KIAA1671: variants seen among roughly 807,000 people sequenced by gnomAD.
KIAA1671 encodes uncharacterized protein KIAA1671.
Under a neutral mutation model 131.2 loss-of-function variants are expected in KIAA1671, and 52 were observed. The observed-to-expected ratio is 0.40, with a 90% CI of 0.32 to 0.50. The LOEUF (loss-of-function observed/expected upper bound fraction) is 0.50. Ranked by LOEUF, KIAA1671 falls within the 20% of genes least tolerant of loss-of-function variation. The pLI, the probability that KIAA1671 is intolerant of heterozygous loss-of-function variation, is 0.73. For synonymous variants in KIAA1671, 1,003 were observed against 961.6 expected, an observed-to-expected ratio of 1.04 and a Z score of -0.80; for missense variants, 2,360 against 2,364.2, an observed-to-expected ratio of 1.00 and a Z score of 0.04.
chr22:25,122,123 G>A (rs1931974312), intron 6 of KIAA1671, among the ~76,000 whole-genome samples: 1 of 152,136 alleles, frequency 6.6e-6, no homozygotes, highest in South Asian at 2.1e-4. Context: ...GCAGTATGTG[G>A]AACTGCAGCA....
intron 1 of KIAA1671, among the ~76,000 whole-genome samples, chr22:24,970,592 T>G (rs762598821): frequency 1.3e-5 from 2 of 152,114 alleles, no homozygotes; most frequent in African/African-American, 2.4e-5. Flanking sequence ...ACATCGTCAG[T>G]GCCTCTTCCT....
chr22:25,125,416 A>G (rs1932130504), intron 6 of KIAA1671, among the ~76,000 whole-genome samples: 1 of 152,182 alleles, frequency 6.6e-6, no homozygotes, highest in South Asian at 2.1e-4. Context: ...AGTTGCCCAG[A>G]GTCACCTAGT....
chr22:25,122,020 T>G (rs1369478777), intron 6 of KIAA1671, among the ~76,000 whole-genome samples: 2 of 152,214 alleles, frequency 1.3e-5, no homozygotes, highest in African/African-American at 4.8e-5. Flanking sequence ...TGCGTCTCCC[T>G]TGCTATGTGG....
At chr22:24,978,241 T>G (rs1215689854) in intron 1 of KIAA1671, among the ~76,000 whole-genome samples, 16 of 152,182 alleles carry the variant, frequency 1.1e-4, no homozygotes, top group Admixed American at 9.2e-4. Flanking sequence ...CATGCTGTTC[T>G]TTTGGTAGTG....
At chr22:25,061,211 C>G (rs1022747261) in intron 6 of KIAA1671, 1 of 152,168 alleles carries the variant, frequency 6.6e-6, no homozygotes, top group African/African-American at 2.4e-5. Flanking sequence ...GTTATAGAAA[C>G]AGCATTTTTC....
chr22:25,130,322 CCCCTTTCCACTTAGT>C lies in KIAA1671; in HGVS notation c.4531-40493_4531-40479del, dbSNP rs528676604. Among the ~76,000 whole-genome samples the C allele has an allele frequency of 1.3e-3, 196 of 152,272 alleles. 1 individual carries two copies. Among genetic ancestry groups the C allele is most frequent in the Middle Eastern group, 3.4e-3 (1 of 294 alleles). The stretch of plus-strand genomic sequence containing the variant: ...CATCTCCCAGAGAAAGTTCCCTTAG[CCCCTTTCCACTTAGT>C]CCCTGCTTTTCTGGCTCTCAATAGA... On this transcript the variant is annotated intron_variant, in intron 6 of 12. Coordinates refer to ENST00000358431, the MANE Select transcript of KIAA1671 (RefSeq NM_001145206.2).
Position 25,184,164 on chromosome 22 carries a change from C to T in KIAA1671, c.5200-813C>T, listed in dbSNP as rs547707203. Among the ~76,000 whole-genome samples, 191 of 152,300 alleles carry T rather than the reference C, an allele frequency of 1.3e-3. 3 individuals carry two copies. The South Asian group carries it at 0.032, about 25-fold the overall frequency. On this transcript the variant is annotated intron_variant, in intron 10 of 12. Transcript: ENST00000358431. ...TTGCAGGGCTTGTCCTGGAAAGAACCCTGGAGTTGGGCTGCGGGCAGACCC... is the reference window on the plus strand; with the variant it reads ...TTGCAGGGCTTGTCCTGGAAAGAACTCTGGAGTTGGGCTGCGGGCAGACCC...
chr22:25,169,302 C>T (rs1027924165), intron 6 of KIAA1671, among the ~76,000 whole-genome samples: 5 of 151,688 alleles, frequency 3.3e-5, no homozygotes, highest in African/African-American at 1.2e-4. Context: ...ACCTATACTC[C>T]CAGCTACTTG....
chr22:25,181,628 A>G, intron 9 of KIAA1671, 71 bp from the exon 10 acceptor site: 14 of 1,534,706 alleles, frequency 9.1e-6, no homozygotes, highest in Non-Finnish European at 1.2e-5. Flanking sequence ...ACTGTGTGCA[A>G]ATTATCTGGC....
chr22:25,005,488 T>C (rs1368510979), intron 1 of KIAA1671, among the ~76,000 whole-genome samples: 1 of 152,110 alleles, frequency 6.6e-6, no homozygotes, highest in Non-Finnish European at 1.5e-5. Flanking sequence ...TGAGGGGCAG[T>C]GGTGGATCAT....
chr22:25,149,948 G>A (rs1932980249), intron 6 of KIAA1671, among the ~76,000 whole-genome samples: 1 of 152,128 alleles, frequency 6.6e-6, no homozygotes, highest in African/African-American at 2.4e-5. Flanking sequence ...CTTCGTCTGT[G>A]TTGCATCCAT....
intron 9 of KIAA1671, among the ~76,000 whole-genome samples, chr22:25,179,887 C>T (rs936566381): frequency 2.6e-5 from 4 of 152,304 alleles, no homozygotes; most frequent in African/African-American, 9.6e-5. Context: ...TCATTTAAGG[C>T]TATACATTTT....
At chr22:24,960,367 G>A (rs1921950243) in intron 1 of KIAA1671, among the ~76,000 whole-genome samples, 1 of 151,174 alleles carries the variant, frequency 6.6e-6, no homozygotes, top group African/African-American at 2.4e-5. Flanking sequence ...TCAACATGGT[G>A]AAACCCCATC....
intron 1 of KIAA1671, among the ~76,000 whole-genome samples, chr22:24,967,452 C>T (rs998696450): frequency 6.6e-6 from 1 of 152,242 alleles, no homozygotes; most frequent in East Asian, 1.9e-4. Flanking sequence ...TCGGAAGTTC[C>T]AGTGCTGTGT....
intron 1 of KIAA1671, among the ~76,000 whole-genome samples, chr22:24,985,779 G>GGAGA (rs147630044): frequency 3.3e-5 from 5 of 150,348 alleles, no homozygotes; most frequent in African/African-American, 4.9e-5. Context: ...TATGGTGAGG[G>GGAGA]GAGAGAGAGA....
Position 25,028,239 on chromosome 22 carries a change from T to C in KIAA1671, c.240T>C (p.Pro80=). The C allele has an allele frequency of 2.6e-6, 4 of 1,551,620 alleles. No homozygotes were observed. The South Asian group carries it at 3.6e-5, about 14-fold the overall frequency. ...PFSKEQDVKS[P]VPSLRPSSTG... ...CGAAGGAGCAGGACGTGAAATCTCC[T>C]GTCCCGTCTCTGCGGCCCAGTTCGA... Residue 80 remains proline (P), a synonymous_variant, in exon 3 of 13, where the codon CCT becomes CCC. Transcript: ENST00000358431.
At chr22:24,956,741 G>A (rs1050251851) in intron 1 of KIAA1671, among the ~76,000 whole-genome samples, 2 of 152,054 alleles carry the variant, frequency 1.3e-5, no homozygotes, top group African/African-American at 2.4e-5. Flanking sequence ...GCGTGGTGGC[G>A]GGTGCCTGTA....
At chr22:24,985,727 A>AGT (rs1486485805) in intron 1 of KIAA1671, among the ~76,000 whole-genome samples, 2 of 150,208 alleles carry the variant, frequency 1.3e-5, no homozygotes, top group African/African-American at 4.9e-5. Flanking sequence ...AGAGAGAGAG[A>AGT]GTGTGTGAGT....
chr22:25,025,391 G>A (rs1925891391), intron 1 of KIAA1671, among the ~76,000 whole-genome samples: 2 of 152,142 alleles, frequency 1.3e-5, no homozygotes, highest in Non-Finnish European at 2.9e-5. Context: ...TGTACACACC[G>A]TAGGTGCTTA....
Sources: allele counts gnomAD v4.1 joint callset (sites outside exome capture counted in the v4.1 genomes callset), GRCh38; gene constraint gnomAD v4.1.1; transcripts MANE v1.5; gene names NCBI Gene and HGNC (gene_info 2026-07-23, HGNC 2026-07-21).